Variants in NPIPB8 observed in about 807,000 individuals in gnomAD.
NPIPB8 encodes nuclear pore complex interacting protein family member B8.
In NPIPB8, 3 loss-of-function variants were observed where a neutral mutation model predicts 5.3. That is an observed-to-expected ratio of 0.57 (90% CI 0.26 to 1.47). NPIPB8 has a LOEUF of 1.47. Ranked by LOEUF, NPIPB8 falls within the 40% of genes most tolerant of loss-of-function variation. The pLI, the probability that NPIPB8 is intolerant of heterozygous loss-of-function variation, is 0.13. For missense variants in NPIPB8, 50 were observed against 50.2 expected, an observed-to-expected ratio of 1.00 and a Z score of 0.01; for synonymous variants, 18 against 23.0, an observed-to-expected ratio of 0.78 and a Z score of 0.62.
chr16:28,645,265 G>A lies in NPIPB8; in HGVS notation c.121-2870G>A, dbSNP rs1185045281. On this transcript the variant is annotated intron_variant, in intron 2 of 7. Transcript: ENST00000683297. ...AGGATAGTCTCCATCTCTTGACCTCGTGATCCGCCTGCCTCGGCCTCCCAG... is the reference window on the plus strand; with the variant it reads ...AGGATAGTCTCCATCTCTTGACCTCATGATCCGCCTGCCTCGGCCTCCCAG... 1.0e-4 allele frequency among the ~76,000 whole-genome samples: 11 copies of A among 106,900 alleles called. No homozygotes were observed. In the East Asian group the frequency reaches 2.3e-3, roughly 22 times the overall value. 70.1% of individuals were successfully genotyped at this position (106,900 alleles called of 152,430 possible).
rs560821634 is a variant in NPIPB8 at position 28,644,585 on chromosome 16, A to G, written c.121-3550A>G. Reference sequence around the variant, plus strand: ...CACCTCAGGGCGCCCTGAAAGGACCAGGACATGCGGCTGCGCTTTTGGCTC... The same window carrying G: ...CACCTCAGGGCGCCCTGAAAGGACCGGGACATGCGGCTGCGCTTTTGGCTC... On this transcript the variant is annotated intron_variant, in intron 2 of 7. Coordinates refer to ENST00000683297, the MANE Select transcript of NPIPB8 (RefSeq NM_001310136.2). 5.4e-6 allele frequency: 8 copies of G among 1,495,282 alleles called. No individual in the cohort carries two copies. The African/African-American group carries it at 1.1e-4, about 21-fold the overall frequency. The allele number at this position is 1,495,282 out of a possible 1,614,324, so 92.6% of individuals were successfully genotyped here. A position where few individuals can be genotyped will look rare whatever the true frequency, so the allele number is the denominator to read the frequency against.
At chr16:28,639,687 T>C (rs2047859536) in intron 2 of NPIPB8, among the ~76,000 whole-genome samples, 1 of 145,288 alleles carries the variant, frequency 6.9e-6, no homozygotes, top group African/African-American at 2.6e-5. Context: ...ACTCCTGACC[T>C]CGTGATCTGC....
At chr16:28,641,742 A>G (rs1188499166) in intron 2 of NPIPB8, among the ~76,000 whole-genome samples, 1 of 129,362 alleles carries the variant, frequency 7.7e-6, no homozygotes, top group East Asian at 2.1e-4. Flanking sequence ...GCATGCAGCC[A>G]TTGGCACTCC....
At chr16:28,644,665 C>G (rs938387852) in intron 2 of NPIPB8, 4 of 1,407,782 alleles carry the variant, frequency 2.8e-6, no homozygotes, top group Non-Finnish European at 3.8e-6. Flanking sequence ...TGTGAGTAGA[C>G]GCTGGACCCG....
At chr16:28,639,948 A>G (rs1448667249) in intron 2 of NPIPB8, among the ~76,000 whole-genome samples, 1 of 150,952 alleles carries the variant, frequency 6.6e-6, no homozygotes, top group Non-Finnish European at 1.5e-5. Flanking sequence ...TACATGGCTA[A>G]CATTGTGTAC....
chr16:28,638,430 C>G lies in NPIPB8; in HGVS notation c.70C>G (p.Leu24Val). Residue 24 changes from leucine (L) to valine (V), a missense_variant, in exon 2 of 8, where the codon CTG becomes GTG. Leu to Val is a conservative substitution (Grantham distance 32). Transcript: ENST00000683297. ...TGACCAGGGCCAGCTCACCAAGGAG[C>G]TGCAGCAGCATGTAAAGTCAGTGAC... The part of the protein sequence containing the change: ...SHDQGQLTKE[L>V]QQHVKSVTCP... 1 of 1,572,398 alleles carries G rather than the reference C, an allele frequency of 6.4e-7. No homozygotes were observed. Among genetic ancestry groups the G allele is most frequent in the South Asian group, 1.1e-5 (1 of 88,218 alleles).
intron 1 of NPIPB8, 82 bp downstream of exon 1, chr16:28,638,232 T>A: frequency 1.3e-6 from 2 of 1,504,248 alleles, no homozygotes; most frequent in Non-Finnish European, 1.8e-6. Flanking sequence ...TGTCCTTTTC[T>A]GAAGCCCCTA....
chr16:28,651,627 T>TGTGC (rs1273117767), intron 3 of NPIPB8, among the ~76,000 whole-genome samples: 1 of 80,278 alleles, frequency 1.2e-5, no homozygotes, highest in Non-Finnish European at 2.4e-5. Context: ...TGTGTGTGTG[T>TGTGC]GTGTGTGTGT....
chr16:28,639,598 G>GGT lies in NPIPB8; in HGVS notation c.120+1122_120+1123dup, dbSNP rs1360557234. On this transcript the variant is annotated intron_variant, in intron 2 of 7. Coordinates refer to ENST00000683297, the MANE Select transcript of NPIPB8 (RefSeq NM_001310136.2). ...CAGCCTCTGAGTAGCTGGGACTACA[G>GGT]GTGTGCACCATCATGCCCAGCTAAT... Among the ~76,000 whole-genome samples the GGT allele has an allele frequency of 2.4e-3, 316 of 130,148 alleles. 3 individuals carry two copies. The highest frequency in any genetic ancestry group is 3.5e-3 in the Admixed American group (45 of 12,790). The allele number at this position is 130,148 out of a possible 152,430, so 85.4% of individuals were successfully genotyped here. A position where few individuals can be genotyped will look rare whatever the true frequency, so the allele number is the denominator to read the frequency against.
rs141028256 is a variant in NPIPB8, at chr16:28,645,157, C to T, written c.121-2978C>T. ...TTCCGGGGTTCAAGCAATTGTCCTG[C>T]CCCAGCCTCCTGAGTGGCTCAGATT... On this transcript the variant is annotated intron_variant, in intron 2 of 7. Coordinates refer to ENST00000683297, the MANE Select transcript of NPIPB8 (RefSeq NM_001310136.2). Among the ~76,000 whole-genome samples, 354 of 135,212 alleles carry T rather than the reference C, an allele frequency of 2.6e-3. 27 individuals are homozygous for T. The highest frequency in any genetic ancestry group is 9.1e-3 in the African/African-American group (334 of 36,734). 88.7% of individuals were successfully genotyped at this position (135,212 alleles called of 152,430 possible). A position where few individuals can be genotyped will look rare whatever the true frequency, so the allele number is the denominator to read the frequency against.
At chr16:28,644,350 T>C (rs2047956773) in intron 2 of NPIPB8, among the ~76,000 whole-genome samples, 4 of 113,104 alleles carry the variant, frequency 3.5e-5, no homozygotes, top group African/African-American at 1.1e-4. Context: ...CCTTTCTTCT[T>C]CTCCTCCTCC....
chr16:28,639,026 G>A (rs946971838), intron 2 of NPIPB8, among the ~76,000 whole-genome samples: 21 of 148,322 alleles, frequency 1.4e-4, no homozygotes, highest in South Asian at 6.4e-4. Context: ...CCAAGATCAC[G>A]CCATTGCACT....
chr16:28,639,084 T>A (rs1157867932), intron 2 of NPIPB8, among the ~76,000 whole-genome samples: 2 of 144,510 alleles, frequency 1.4e-5, no homozygotes, highest in South Asian at 2.1e-4. Flanking sequence ...AAAAAAAAAA[T>A]TATCCTGCAA....
Position 28,644,633 on chromosome 16 carries a change from T to C in NPIPB8, c.121-3502T>C, listed in dbSNP as rs1433406960. 2.0e-6 allele frequency: 3 copies of C among 1,493,746 alleles called. No homozygotes were observed. In the Admixed American group the frequency reaches 6.2e-5, roughly 31 times the overall value. 92.5% of individuals were successfully genotyped at this position (1,493,746 alleles called of 1,614,324 possible). On this transcript the variant is annotated intron_variant, in intron 2 of 7. Coordinates refer to ENST00000683297, the MANE Select transcript of NPIPB8 (RefSeq NM_001310136.2). ...CTCCTCATTTGGCTCCTGCTGGGAT[T>C]TATCAGCCATCAGCCCACCCCTGTG... is the stretch of plus-strand genomic sequence containing the variant.
intron 2 of NPIPB8, among the ~76,000 whole-genome samples, chr16:28,642,252 T>C (rs2411438): frequency 6.6e-6 from 1 of 150,524 alleles, no homozygotes; most frequent in African/African-American, 2.4e-5. Flanking sequence ...ATTACAGGTG[T>C]GTGCCACCAT....
chr16:28,642,985 G>A (rs2047932047), intron 2 of NPIPB8, among the ~76,000 whole-genome samples: 1 of 152,220 alleles, frequency 6.6e-6, no homozygotes, highest in African/African-American at 2.4e-5. Flanking sequence ...TGATCGGGCG[G>A]AAGGCCTGTG....
At chr16:28,644,437 C>A (rs1175439651) in intron 2 of NPIPB8, among the ~76,000 whole-genome samples, 1 of 13,074 alleles carries the variant, frequency 7.6e-5, no homozygotes, top group East Asian at 2.6e-3. Context: ...TCCCCTCCCC[C>A]TCCCCTCCCC....
chr16:28,645,113 G>A lies in NPIPB8; in HGVS notation c.121-3022G>A, dbSNP rs572257076. 7.8e-5 allele frequency among the ~76,000 whole-genome samples: 10 copies of A among 128,292 alleles called. 1 individual carries two copies. The highest frequency in any genetic ancestry group is 1.7e-4 in the African/African-American group (6 of 34,882). The allele number at this position is 128,292 out of a possible 152,430, so 84.2% of individuals were successfully genotyped here. On this transcript the variant is annotated intron_variant, in intron 2 of 7. Transcript: ENST00000683297. ...GGCTGGAGTGCAGTGGCAAGATCTC[G>A]GCTCACTGCAACCTCCGCTTCCGGG...
chr16:28,642,066 G>C (rs779647647), intron 2 of NPIPB8, among the ~76,000 whole-genome samples: 1 of 150,562 alleles, frequency 6.6e-6, no homozygotes, highest in Admixed American at 6.6e-5. Context: ...CACTTACTTG[G>C]TCTCTCCTTT....
Sources: allele counts gnomAD v4.1 joint callset (sites outside exome capture counted in the v4.1 genomes callset), GRCh38; gene constraint gnomAD v4.1.1; transcripts MANE v1.5; gene names NCBI Gene and HGNC (gene_info 2026-07-23, HGNC 2026-07-21).